Variants in LYPLAL1 observed in about 807,000 individuals in gnomAD.
LYPLAL1 encodes lysophospholipase-like protein 1.
Under a neutral mutation model 19.7 loss-of-function variants are expected in LYPLAL1, and 23 were observed. The ratio of observed to expected loss-of-function variants is 1.17; its 90% confidence interval spans 0.84 to 1.65. The LOEUF is 1.65. Among genes scored for constraint, LYPLAL1 ranks in the 40% most tolerant of loss-of-function variants. The probability of loss-of-function intolerance (pLI) is 0.00; values close to 1 mark genes in which losing one functional copy is unlikely to be tolerated. For synonymous variants in LYPLAL1, 119 were observed against 96.3 expected (o/e 1.24, Z -1.38); for missense variants, 355 against 279.4 (o/e 1.27, Z -1.93).
At chr1:219,236,363 TATTATCTCAAAGCAA>T in the LYPLAL1 span, among the ~76,000 whole-genome samples, 1 of 152,256 alleles carries the variant, frequency 6.6e-6, no homozygotes, top group Non-Finnish European at 1.5e-5. Flanking sequence ...CAGCCTTAGC[TATTATCTCAAAGCAA>T]GTAATGATAC....
At chr1:219,425,235 A>C in the LYPLAL1 span, among the ~76,000 whole-genome samples, 1 of 152,114 alleles carries the variant, frequency 6.6e-6, no homozygotes. Context: ...ATCACCTCTC[A>C]AGGCTCTACC....
intron 2 of LYPLAL1, 123 bp from the exon 3 acceptor site, chr1:219,192,959 T>G: frequency 9.8e-7 from 1 of 1,024,972 alleles, no homozygotes; most frequent in South Asian, 1.9e-5. Flanking sequence ...TGCATTTAAC[T>G]TATAAAACTT....
chr1:219,332,870 A>G, the LYPLAL1 span, among the ~76,000 whole-genome samples: 39 of 138,094 alleles, frequency 2.8e-4, no homozygotes, highest in African/African-American at 8.8e-4. Context: ...CACCTATCAG[A>G]GGCTCTGGGG....
At chr1:219,211,122 G>T (rs532268966) in intron 4 of LYPLAL1, among the ~76,000 whole-genome samples, 1 of 152,190 alleles carries the variant, frequency 6.6e-6, no homozygotes, top group Non-Finnish European at 1.5e-5. Flanking sequence ...ACAGAATAGA[G>T]AACTAAAATG....
the LYPLAL1 span, among the ~76,000 whole-genome samples, chr1:219,254,965 T>G: frequency 9.9e-5 from 15 of 152,000 alleles, no homozygotes; most frequent in African/African-American, 3.6e-4. Context: ...TCCTTACTTT[T>G]CATTCTTTTT....
chr1:219,419,160 G>GTA, the LYPLAL1 span, among the ~76,000 whole-genome samples: 1 of 152,146 alleles, frequency 6.6e-6, no homozygotes. Flanking sequence ...ACCCCTTAGG[G>GTA]TAAGTATCAA....
At chr1:219,385,459 T>C in the LYPLAL1 span, among the ~76,000 whole-genome samples, 18 of 152,192 alleles carry the variant, frequency 1.2e-4, no homozygotes, top group Non-Finnish European at 2.4e-4. Flanking sequence ...GCACAATATA[T>C]GTGATAATAT....
chr1:219,296,850 T>C, the LYPLAL1 span, among the ~76,000 whole-genome samples: 4 of 152,190 alleles, frequency 2.6e-5, no homozygotes, highest in African/African-American at 9.7e-5. Flanking sequence ...TATAACTATT[T>C]TTTTACCCCT....
chr1:219,360,664 T>C, the LYPLAL1 span, among the ~76,000 whole-genome samples: 1 of 152,068 alleles, frequency 6.6e-6, no homozygotes, highest in Non-Finnish European at 1.5e-5. Context: ...TGCTCACGGG[T>C]ATGTTTGTCA....
the LYPLAL1 span, among the ~76,000 whole-genome samples, chr1:219,304,671 G>C: frequency 2.0e-5 from 3 of 152,290 alleles, no homozygotes; most frequent in East Asian, 5.8e-4. Context: ...AAATTGTGTA[G>C]TGAAAGTAAG....
At chr1:219,199,660 G>A (rs1194078261) in intron 3 of LYPLAL1, among the ~76,000 whole-genome samples, 5 of 146,984 alleles carry the variant, frequency 3.4e-5, no homozygotes, top group Admixed American at 7.0e-5. Context: ...TGTCGCCCAG[G>A]CTAGAGTGCA....
the LYPLAL1 span, among the ~76,000 whole-genome samples, chr1:219,427,214 G>T: frequency 2.6e-5 from 4 of 152,042 alleles, no homozygotes; most frequent in East Asian, 3.9e-4. Context: ...ATCAAATTTT[G>T]CATCCATTTA....
At chr1:219,327,409 T>A in the LYPLAL1 span, among the ~76,000 whole-genome samples, 4 of 152,016 alleles carry the variant, frequency 2.6e-5, no homozygotes, top group Non-Finnish European at 5.9e-5. Context: ...GAATTTGAAA[T>A]GGCGAGGCAA....
At chr1:219,406,377 G>A in the LYPLAL1 span, among the ~76,000 whole-genome samples, 1 of 152,134 alleles carries the variant, frequency 6.6e-6, no homozygotes, top group Non-Finnish European at 1.5e-5. Flanking sequence ...CTGTGGTTCA[G>A]GTGTGTATCT....
the LYPLAL1 span, among the ~76,000 whole-genome samples, chr1:219,393,237 A>G: frequency 6.6e-6 from 1 of 152,220 alleles, no homozygotes; most frequent in Non-Finnish European, 1.5e-5. Flanking sequence ...ATCAATGTCC[A>G]TAGTACCTGG....
the LYPLAL1 span, among the ~76,000 whole-genome samples, chr1:219,390,059 T>C: frequency 6.6e-6 from 1 of 152,194 alleles, no homozygotes; most frequent in Non-Finnish European, 1.5e-5. Flanking sequence ...CATTTGGTTC[T>C]TGTTCTATGT....
In LYPLAL1 at chr1:219,193,288, A is replaced by C; in HGVS notation, c.361+37A>C. 1.9e-6 allele frequency: 3 copies of C among 1,541,062 alleles called. No individual in the cohort carries two copies. The South Asian group carries it at 3.5e-5, about 18-fold the overall frequency. The stretch of plus-strand genomic sequence containing the variant: ...AAATGTTGGTAATTTATCACTGTTC[A>C]CTTTTGTCTAATTCTATACATCAAA... On this transcript the variant is annotated intron_variant, in intron 3 of 4. Transcript: ENST00000366928.
chr1:219,289,082 T>TG, the LYPLAL1 span, among the ~76,000 whole-genome samples: 3 of 150,188 alleles, frequency 2.0e-5, no homozygotes, highest in African/African-American at 7.3e-5. Context: ...TGTTTTGTTT[T>TG]TTTTGTTTTT....
the LYPLAL1 span, among the ~76,000 whole-genome samples, chr1:219,412,258 T>C: frequency 0.26 from 39,833 of 151,850 alleles, 5,806 homozygotes; most frequent in East Asian, 0.53. Flanking sequence ...AAACTCCTGA[T>C]CTCAATGATC....
Sources: gnomAD v4.1 joint callset for allele counts (sites outside exome capture counted in the v4.1 genomes callset) on GRCh38, gnomAD v4.1.1 for gene constraint, MANE v1.5 for transcripts, NCBI Gene and HGNC (gene_info 2026-07-23, HGNC 2026-07-21) for gene names.